The following NDUFAF7 variants were observed in gnomAD, a reference collection of about 807,000 sequenced individuals.
The protein encoded by NDUFAF7 is NADH:ubiquinone oxidoreductase complex assembly factor 7.
NDUFAF7 carries 48 observed loss-of-function variants against 47.2 expected under a neutral mutation model. The ratio of observed to expected loss-of-function variants is 1.02; its 90% CI spans 0.81 to 1.29. The LOEUF is 1.29. Ranked by LOEUF, NDUFAF7 falls within the 50% of genes most tolerant of loss-of-function variation. The probability of loss-of-function intolerance (pLI) is 0.00; values close to 1 mark genes in which losing one functional copy is unlikely to be tolerated. For synonymous variants in NDUFAF7, 217 were observed against 190.0 expected (o/e 1.14, Z -1.17); for missense variants, 635 against 537.6 (o/e 1.18, Z -1.79).
chr2:37,256,628 ATTTTTTTTTTTTT>A (rs56389006), downstream of NDUFAF7: 171 of 1,202,206 alleles, frequency 1.4e-4, 1 homozygote, highest in South Asian at 8.0e-4. Flanking sequence ...CATAGCCAAA[ATTTTTTTTTTTTT>A]TTTTTTTTTT....
rs866348027 is a variant in NDUFAF7, at chr2:37,232,216, C to T, written c.166C>T (p.Pro56Ser). ...HLMYKIKSTG[P>S]ITVAEYMKEV... ...TATGTACAAAATAAAGTCTACTGGTCCCATCACTGTGGCCGAGTACATGAA... is the reference window on the plus strand; with the variant it reads ...TATGTACAAAATAAAGTCTACTGGTTCCATCACTGTGGCCGAGTACATGAA... The change falls in exon 2 of 10, where the codon CCC becomes TCC. Residue 56 changes from proline (P) to serine (S), a missense_variant. Transcript: ENST00000002125. 1.2e-5 allele frequency: 19 copies of T among 1,613,884 alleles called. 1 individual carries two copies. In the Middle Eastern group the frequency reaches 1.7e-3, roughly 147 times the overall value.
At chr2:37,247,823 C>CG (rs1374588088) in intron 9 of NDUFAF7, among the ~76,000 whole-genome samples, 194 bp downstream of exon 9, 1 of 152,138 alleles carries the variant, frequency 6.6e-6, no homozygotes, top group East Asian at 1.9e-4. Context: ...AGCATTAAGA[C>CG]TTCCAAATAG....
At chr2:37,250,711 G>A (rs957382172), downstream of NDUFAF7, 1 of 152,074 alleles carries the variant, frequency 6.6e-6, no homozygotes, top group African/African-American at 2.4e-5. Flanking sequence ...GGAAAAGTAT[G>A]GTGATAGGAA....
the NDUFAF7 span, among the ~76,000 whole-genome samples, chr2:37,260,020 C>G: frequency 6.6e-6 from 1 of 152,006 alleles, no homozygotes; most frequent in Non-Finnish European, 1.5e-5. Context: ...CAAAAATTAG[C>G]CAGGCGTGGT....
chr2:37,260,438 TAATATCTAG>T, the NDUFAF7 span: 1 of 1,480,004 alleles, frequency 6.8e-7, no homozygotes, highest in Non-Finnish European at 9.4e-7. Flanking sequence ...ACAGTTTTAC[TAATATCTAG>T]ATGTGCTATG....
the NDUFAF7 span, among the ~76,000 whole-genome samples, chr2:37,261,720 C>T: frequency 1.2e-3 from 189 of 152,258 alleles, no homozygotes; most frequent in Non-Finnish European, 1.4e-3. Flanking sequence ...GCAGAGGTTG[C>T]GGTGAGCTGA....
At chr2:37,259,801 G>T in the NDUFAF7 span, 1 of 669,282 alleles carries the variant, frequency 1.5e-6, no homozygotes. Context: ...AGCTAAAAGT[G>T]TGTTATTCTG....
the NDUFAF7 span, among the ~76,000 whole-genome samples, chr2:37,265,411 A>G: frequency 4.6e-5 from 7 of 152,204 alleles, no homozygotes; most frequent in Admixed American, 2.6e-4. Context: ...AGATTGTACT[A>G]ATAGAATATT....
At chr2:37,234,674 T>A (rs1364858141) in intron 2 of NDUFAF7, among the ~76,000 whole-genome samples, 1 of 152,120 alleles carries the variant, frequency 6.6e-6, no homozygotes, top group African/African-American at 2.4e-5. Context: ...TTATTTTGAA[T>A]GCTGAAGGGG....
chr2:37,241,960 TA>T (rs1666397925), intron 5 of NDUFAF7, 169 bp downstream of exon 5: 1 of 617,900 alleles, frequency 1.6e-6, no homozygotes, highest in Non-Finnish European at 2.8e-6. Context: ...TAATAGAAAA[TA>T]AAGTTGCCTG....
chr2:37,269,894 G>A, the NDUFAF7 span, among the ~76,000 whole-genome samples: 1 of 152,186 alleles, frequency 6.6e-6, no homozygotes, highest in Non-Finnish European at 1.5e-5. Context: ...ATAATGTATT[G>A]TGCAAGACTT....
the NDUFAF7 span, chr2:37,267,362 A>AT: frequency 3.0e-5 from 32 of 1,063,816 alleles, no homozygotes; most frequent in Non-Finnish European, 4.0e-5. Flanking sequence ...AAAAAAAAAA[A>AT]GAGAAGCAGT....
chr2:37,242,561 TTTACAG>T (rs1448553260), intron 5 of NDUFAF7, 68 bp from the exon 6 acceptor site: 1 of 1,253,068 alleles, frequency 8.0e-7, no homozygotes, highest in East Asian at 2.5e-5. Context: ...AGGCATTTTT[TTTACAG>T]TTAATATTCA....
intron 9 of NDUFAF7, 88 bp downstream of exon 9, chr2:37,247,717 C>T: frequency 1.4e-6 from 2 of 1,447,816 alleles, no homozygotes; most frequent in Middle Eastern, 2.0e-4. Flanking sequence ...GGCCTTAATG[C>T]TCTTGTAGTT....
chr2:37,241,483 T>C, intron 4 of NDUFAF7, 95 bp from the exon 5 acceptor site: 1 of 1,031,276 alleles, frequency 9.7e-7, no homozygotes, highest in Non-Finnish European at 1.5e-6. Flanking sequence ...AAATATTACC[T>C]CTATTGTGAC....
At chr2:37,231,989 G>A (rs554613850) in intron 1 of NDUFAF7, 117 bp from the exon 2 acceptor site, 7 of 1,602,512 alleles carry the variant, frequency 4.4e-6, no homozygotes, top group African/African-American at 2.7e-5. Flanking sequence ...AGTAGCCCGC[G>A]GTCTGCGGTG....
At chr2:37,246,234 G>T in intron 8 of NDUFAF7, 39 bp downstream of exon 8, 2 of 1,609,716 alleles carry the variant, frequency 1.2e-6, no homozygotes, top group Non-Finnish European at 1.7e-6. Flanking sequence ...CAGAATTTCA[G>T]TGTTAGATCT....
chr2:37,254,836 A>G (rs1481570863), downstream of NDUFAF7, among the ~76,000 whole-genome samples: 1 of 152,198 alleles, frequency 6.6e-6, no homozygotes, highest in Non-Finnish European at 1.5e-5. Flanking sequence ...TAGCTTAACT[A>G]CCAAAAGTTT....
chr2:37,255,995 G>A (rs1224190861), downstream of NDUFAF7, among the ~76,000 whole-genome samples: 1 of 152,154 alleles, frequency 6.6e-6, no homozygotes, highest in Admixed American at 6.6e-5. Context: ...GGGTGACAGA[G>A]GGAGACCCCG....
Sources: allele counts gnomAD v4.1 joint callset (sites outside exome capture counted in the v4.1 genomes callset), GRCh38; gene constraint gnomAD v4.1.1; transcripts MANE v1.5; gene names NCBI Gene and HGNC (gene_info 2026-07-23, HGNC 2026-07-21).